BCOR: variants seen among roughly 807,000 people sequenced by gnomAD.
BCOR encodes the protein BCL-6 corepressor.
In BCOR, 10 loss-of-function variants were observed where a neutral mutation model predicts 86.7. The ratio of observed to expected loss-of-function variants is 0.12; its 90% confidence interval spans 0.07 to 0.20. BCOR has a LOEUF of 0.20. Among genes scored for constraint, BCOR ranks in the 10% least tolerant of loss-of-function variants. The pLI, the probability that BCOR is intolerant of heterozygous loss-of-function variation, is 1.00. For missense variants in BCOR, 1,259 were observed against 1,452.1 expected (o/e 0.87, Z 2.16); for synonymous variants, 611 against 609.0 (o/e 1.00, Z -0.05).
At chrX:40,058,976 T>C (rs1308757099) in intron 10 of BCOR, among the ~76,000 whole-genome samples, 2 of 112,108 alleles carry the variant, frequency 1.8e-5, no homozygotes, top group African/African-American at 6.5e-5. Context: ...CGCCACCGAC[T>C]GCTGTGCACA....
intron 1 of BCOR, among the ~76,000 whole-genome samples, chrX:40,120,233 A>T (rs1161521602): frequency 9.1e-6 from 1 of 109,838 alleles, no homozygotes; most frequent in Non-Finnish European, 1.9e-5. Flanking sequence ...AGGAACTTCC[A>T]CTCCAGCCTA....
intron 1 of BCOR, among the ~76,000 whole-genome samples, chrX:40,176,779 CGCCCG>C (rs1260700726): frequency 3.6e-5 from 4 of 112,371 alleles, no homozygotes; most frequent in Non-Finnish European, 7.5e-5. Context: ...GCGCCACCCC[CGCCCG>C]GCCCGGCCCT....
intron 1 of BCOR, among the ~76,000 whole-genome samples, chrX:40,137,974 C>T (rs1937721149): frequency 9.1e-6 from 1 of 109,812 alleles, no homozygotes; most frequent in Non-Finnish European, 1.9e-5. Context: ...TTTTTTAAGA[C>T]AGAGTTTCAC....
rs1225835047 is a variant in BCOR, at chrX:40,057,459, G to T, written c.4429-138C>A. 9.5e-6 allele frequency: 6 copies of T among 631,111 alleles called. No individual in the cohort carries two copies. The African/African-American group carries it at 1.3e-4, about 14-fold the overall frequency. 52.0% of individuals were successfully genotyped at this position (631,111 alleles called of 1,213,427 possible). On this transcript the variant is annotated intron_variant, in intron 10 of 14. Transcript: ENST00000378444. Reference sequence around the variant, plus strand: ...CTCTCGGGCGGGCTGTGGATGTCTTGGTGAGGGGGAAACACATGTGCGAAG... The same window carrying T: ...CTCTCGGGCGGGCTGTGGATGTCTTTGTGAGGGGGAAACACATGTGCGAAG...
chrX:40,139,470 T>TATATAC, intron 1 of BCOR, among the ~76,000 whole-genome samples: 1 of 8,248 alleles, frequency 1.2e-4, no homozygotes, highest in Non-Finnish European at 1.6e-4. Flanking sequence ...TATATATATA[T>TATATAC]ATATATATAT....
At chrX:40,146,310 C>A (rs201611619) in intron 1 of BCOR, among the ~76,000 whole-genome samples, 1 of 111,601 alleles carries the variant, frequency 9.0e-6, no homozygotes, top group Non-Finnish European at 1.9e-5. Context: ...TGCGCCCCCA[C>A]TCTGTTTAAC....
intron 1 of BCOR, among the ~76,000 whole-genome samples, chrX:40,110,165 T>G (rs1444215403): frequency 8.9e-6 from 1 of 112,511 alleles, no homozygotes; most frequent in Non-Finnish European, 1.9e-5. Flanking sequence ...AAGGTCAAAT[T>G]ATTTATCATC....
At chrX:40,064,163 A>T (rs779234140) in intron 7 of BCOR, among the ~76,000 whole-genome samples, 173 bp downstream of exon 7, 1 of 110,657 alleles carries the variant, frequency 9.0e-6, no homozygotes, top group African/African-American at 3.3e-5. Context: ...TGGGAACCTC[A>T]CGAGGCAGTG....
At chrX:40,098,788 G>A (rs1011438243), upstream of BCOR, among the ~76,000 whole-genome samples, 3 of 111,935 alleles carry the variant, frequency 2.7e-5, no homozygotes, top group Non-Finnish European at 5.7e-5. Context: ...CCCAGGCAAC[G>A]GTGGCCGTTC....
intron 10 of BCOR, 72 bp from the exon 11 acceptor site, chrX:40,057,393 C>T: frequency 9.4e-7 from 1 of 1,062,497 alleles, no homozygotes; most frequent in Middle Eastern, 2.5e-4. Flanking sequence ...CTCTCTGTAG[C>T]TTTCAAAGAC....
chrX:40,162,164 A>T (rs1451928227), intron 1 of BCOR, among the ~76,000 whole-genome samples: 1 of 111,861 alleles, frequency 8.9e-6, no homozygotes, highest in African/African-American at 3.3e-5. Flanking sequence ...AACCCTTTTG[A>T]CCTCTATCTG....
At chrX:40,109,411 G>C (rs1272551420) in intron 1 of BCOR, among the ~76,000 whole-genome samples, 1 of 112,333 alleles carries the variant, frequency 8.9e-6, no homozygotes, top group Non-Finnish European at 1.9e-5. Flanking sequence ...TCCTTGATGA[G>C]GTGCTGCCCC....
chrX:40,161,839 T>C (rs1938430619), intron 1 of BCOR, among the ~76,000 whole-genome samples: 1 of 111,936 alleles, frequency 8.9e-6, no homozygotes, highest in African/African-American at 3.3e-5. Context: ...CTCAAACACC[T>C]ACATCAAGTA....
intron 1 of BCOR, among the ~76,000 whole-genome samples, chrX:40,126,747 C>T (rs1336184882): frequency 9.2e-6 from 1 of 108,750 alleles, no homozygotes; most frequent in Non-Finnish European, 1.9e-5. Flanking sequence ...CCCAGCTACC[C>T]AGGAGGCTGA....
chrX:40,076,880 C>A (rs1159009298), intron 2 of BCOR: 2 of 329,171 alleles, frequency 6.1e-6, no homozygotes, highest in African/African-American at 5.3e-5. Context: ...TCCCAGCCAA[C>A]CCTTATAAAC....
At chrX:40,127,142 A>G (rs749573810) in intron 1 of BCOR, among the ~76,000 whole-genome samples, 1 of 112,242 alleles carries the variant, frequency 8.9e-6, no homozygotes, top group South Asian at 3.7e-4. Context: ...ACTTGCTCTG[A>G]CCAATAGAAT....
chrX:40,156,557 G>A (rs747198844), intron 1 of BCOR, among the ~76,000 whole-genome samples: 1 of 113,115 alleles, frequency 8.8e-6, no homozygotes, highest in African/African-American at 3.2e-5. Flanking sequence ...TTACTGACCA[G>A]GTGGCCTCGA....
Position 40,126,655 on chromosome X carries a change from G to A in BCOR, c.-40-48686C>T, listed in dbSNP as rs1329713447. Among the ~76,000 whole-genome samples, 3 of 111,677 alleles carry A rather than the reference G, an allele frequency of 2.7e-5. No individual in the cohort carries two copies. The Admixed American group carries it at 2.9e-4, about 11-fold the overall frequency. On this transcript the variant is annotated intron_variant, in intron 1 of 14. Coordinates refer to the BCOR transcript ENST00000342274. Reference sequence around the variant, plus strand: ...AGATGGCTTGAGCCCAAGAGTTTGAGACCAGCCTGGTCAACATGGCGAAAC... The same window carrying A: ...AGATGGCTTGAGCCCAAGAGTTTGAAACCAGCCTGGTCAACATGGCGAAAC...
Position 40,051,465 on chromosome X carries a change from G to A in BCOR, c.*644C>T, listed in dbSNP as rs958805872. 5.8e-6 allele frequency: 1 copy of A among 171,007 alleles called. No individual in the cohort carries two copies. Among genetic ancestry groups the A allele is most frequent in the South Asian group, 3.1e-4 (1 of 3,212 alleles). 14.1% of individuals were successfully genotyped at this position (171,007 alleles called of 1,213,427 possible). On this transcript the variant is annotated 3_prime_UTR_variant, in exon 15 of 15. Coordinates refer to ENST00000378444, the MANE Select transcript of BCOR (RefSeq NM_001123385.2). ...AGGGTACAGAAAAAAATAGCTCAAAGTCTTCTTTAAATAAGAGCATAAAAT... is the reference window on the plus strand; with the variant it reads ...AGGGTACAGAAAAAAATAGCTCAAAATCTTCTTTAAATAAGAGCATAAAAT...
Sources: gnomAD v4.1 joint callset for allele counts (sites outside exome capture counted in the v4.1 genomes callset) on GRCh38, gnomAD v4.1.1 for gene constraint, MANE v1.5 for transcripts, NCBI Gene and HGNC (gene_info 2026-07-23, HGNC 2026-07-21) for gene names.